The following ABCC4 variants were observed in gnomAD, a reference collection of about 807,000 sequenced individuals.
The protein encoded by ABCC4 is ATP binding cassette subfamily C member 4 (PEL blood group), also known as ATP-binding cassette sub-family C member 4.
In ABCC4, 102 loss-of-function variants were observed where a neutral mutation model predicts 168.5. The ratio of observed to expected loss-of-function variants is 0.61; its 90% confidence interval spans 0.52 to 0.71. The LOEUF (loss-of-function observed/expected upper bound fraction) is 0.71, where lower values mean the gene tolerates loss of function less well. Ranked by LOEUF, ABCC4 falls within the 30% of genes least tolerant of loss-of-function variation. ABCC4 has a pLI of 0.00. For synonymous variants in ABCC4, 617 were observed against 590.7 expected (o/e 1.04, Z -0.65); for missense variants, 1,402 against 1,605.8 (o/e 0.87, Z 2.17).
intron 1 of ABCC4, among the ~76,000 whole-genome samples, chr13:95,259,322 G>T (rs553236334): frequency 4.6e-5 from 7 of 151,460 alleles, no homozygotes; most frequent in Non-Finnish European, 5.9e-5. Context: ...GGAGGTTGCG[G>T]TGAGCTGAGA....
chr13:95,029,199 TATATATATATATATAGAGAGAG>T (rs1566355316), intron 30 of ABCC4, among the ~76,000 whole-genome samples: 42 of 72,386 alleles, frequency 5.8e-4, no homozygotes, highest in African/African-American at 2.3e-3. Flanking sequence ...TATATATATA[TATATATATATATATAGAGAGAG>T]AGAGAGAGAG....
At chr13:95,234,909 TCA>T in intron 3 of ABCC4, 75 bp from the exon 4 acceptor site, 1 of 1,080,058 alleles carries the variant, frequency 9.3e-7, no homozygotes, top group African/African-American at 1.6e-5. Context: ...TTCTCTTTTT[TCA>T]GATATTGCTT....
intron 4 of ABCC4, among the ~76,000 whole-genome samples, chr13:95,214,835 G>A (rs528981086): frequency 1.1e-4 from 15 of 142,060 alleles, no homozygotes; most frequent in Admixed American, 8.2e-4. Flanking sequence ...GCAGTGAGCC[G>A]AGATCGCGCC....
intron 30 of ABCC4, among the ~76,000 whole-genome samples, chr13:95,030,467 TC>T (rs1566356913): frequency 6.6e-6 from 1 of 152,280 alleles, no homozygotes; most frequent in South Asian, 2.1e-4. Context: ...CTGATTTGCA[TC>T]CCCCTAAATT....
At chr13:95,110,201 C>T (rs915337360) in intron 20 of ABCC4, among the ~76,000 whole-genome samples, 5 of 150,130 alleles carry the variant, frequency 3.3e-5, no homozygotes, top group African/African-American at 1.2e-4. Context: ...CTCAGCTACT[C>T]GGGAGGCGGA....
At chr13:95,030,796 T>C (rs1167191619) in intron 30 of ABCC4, among the ~76,000 whole-genome samples, 1 of 152,260 alleles carries the variant, frequency 6.6e-6, no homozygotes, top group Non-Finnish European at 1.5e-5. Flanking sequence ...CCAGCTAGTC[T>C]GTGCTACTTT....
At chr13:95,259,483 G>C (rs929437305) in intron 1 of ABCC4, among the ~76,000 whole-genome samples, 2 of 151,998 alleles carry the variant, frequency 1.3e-5, no homozygotes, top group African/African-American at 4.8e-5. Flanking sequence ...CTTTGTTGGG[G>C]GTGTCGTCCC....
chr13:95,155,494 T>C (rs987784340), intron 19 of ABCC4, among the ~76,000 whole-genome samples: 5 of 152,146 alleles, frequency 3.3e-5, no homozygotes, highest in Admixed American at 2.6e-4. Context: ...AAAAGAAACA[T>C]GGGAAGAAGT....
chr13:95,159,629 T>C (rs1026321422), intron 19 of ABCC4, among the ~76,000 whole-genome samples: 3 of 152,188 alleles, frequency 2.0e-5, no homozygotes, highest in Non-Finnish European at 4.4e-5. Context: ...GTTATGACTG[T>C]AGTTTCAAAT....
At chr13:95,083,394 A>C (rs925594417) in intron 20 of ABCC4, 104 bp from the exon 21 acceptor site, 1 of 1,355,780 alleles carries the variant, frequency 7.4e-7, no homozygotes, top group African/African-American at 1.5e-5. Context: ...TGAAAGACTT[A>C]TTGTAGTACC....
At position 95,301,162 on chromosome 13, in the gene ABCC4, G is replaced by GC. The variant is rs1327006838; in HGVS notation, c.74+78dup. ...CCCCCAGCCGCAGAGGGCTTGGGCA[G>GC]CATCGGGCGCGGCCCCGGGAGAGTG... On this transcript the variant is annotated intron_variant, in intron 1 of 30. Coordinates refer to ENST00000645237, the MANE Select transcript of ABCC4 (RefSeq NM_005845.5). 2.2e-6 allele frequency: 3 copies of GC among 1,365,734 alleles called. No individual in the cohort carries two copies. In the Admixed American group the frequency reaches 6.4e-5, roughly 29 times the overall value. The allele number at this position is 1,365,734 out of a possible 1,614,324, so 84.6% of individuals were successfully genotyped here.
intron 26 of ABCC4, among the ~76,000 whole-genome samples, chr13:95,059,492 GA>G (rs2033204680): frequency 1.3e-5 from 2 of 152,308 alleles, no homozygotes; most frequent in South Asian, 4.1e-4. Context: ...GCCTGCTCGC[GA>G]AATGCAAAGC....
chr13:95,210,819 C>A (rs1302711490), intron 4 of ABCC4, 38 bp from the exon 5 acceptor site: 1 of 1,501,026 alleles, frequency 6.7e-7, no homozygotes, highest in South Asian at 1.1e-5. Context: ...TGTATTCATG[C>A]AGTGATACTA....
chr13:95,033,202 G>A (rs1360095301), intron 30 of ABCC4, among the ~76,000 whole-genome samples: 9 of 151,974 alleles, frequency 5.9e-5, no homozygotes, highest in African/African-American at 2.2e-4. Flanking sequence ...TCTGTTGTCT[G>A]TAATAGATAT....
At chr13:95,063,071 G>A (rs1039038445) in intron 25 of ABCC4, among the ~76,000 whole-genome samples, 4 of 152,086 alleles carry the variant, frequency 2.6e-5, no homozygotes, top group Non-Finnish European at 5.9e-5. Context: ...TGGGAGGTTC[G>A]CTAGCATCCC....
At chr13:95,081,482 A>G (rs984482378) in intron 21 of ABCC4, among the ~76,000 whole-genome samples, 2 of 152,208 alleles carry the variant, frequency 1.3e-5, no homozygotes, top group African/African-American at 4.8e-5. Flanking sequence ...CATCTGCACA[A>G]GGAAGGTCTC....
chr13:95,175,061 T>C (rs2139586907), intron 13 of ABCC4, among the ~76,000 whole-genome samples: 1 of 152,220 alleles, frequency 6.6e-6, no homozygotes, highest in East Asian at 1.9e-4. Flanking sequence ...ACCAGGCACA[T>C]TTTGCATACG....
intron 20 of ABCC4, among the ~76,000 whole-genome samples, chr13:95,097,433 C>T (rs2034639058): frequency 6.6e-6 from 1 of 150,384 alleles, no homozygotes; most frequent in South Asian, 2.1e-4. Context: ...ACTGTAAATA[C>T]AGAGAGAGAG....
At chr13:95,142,112 C>G (rs535331711) in intron 19 of ABCC4, among the ~76,000 whole-genome samples, 4 of 152,128 alleles carry the variant, frequency 2.6e-5, no homozygotes, top group African/African-American at 9.7e-5. Context: ...GAAGTCATTA[C>G]GCGAAAAAGA....
Sources: gnomAD v4.1 joint callset for allele counts (sites outside exome capture counted in the v4.1 genomes callset) on GRCh38, gnomAD v4.1.1 for gene constraint, MANE v1.5 for transcripts, NCBI Gene and HGNC (gene_info 2026-07-23, HGNC 2026-07-21) for gene names.